ZYG11A: variants seen among roughly 807,000 people sequenced by gnomAD.
ZYG11A encodes protein zyg-11 homolog A.
ZYG11A carries 62 observed loss-of-function variants against 77.2 expected under a neutral mutation model. The observed-to-expected ratio is 0.80, with a 90% CI of 0.65 to 0.99. The LOEUF is 0.99. ZYG11A is among the 50% of genes least tolerant of loss of function. The pLI is 0.00. For missense variants in ZYG11A, 828 were observed against 896.8 expected (o/e 0.92, Z 0.98); for synonymous variants, 315 against 324.6 (o/e 0.97, Z 0.32).
Position 52,857,174 on chromosome 1 carries a change from A to AT in ZYG11A, c.434dup (p.Ser146LysfsTer7). 6.4e-7 allele frequency: 1 copy of AT among 1,552,108 alleles called. No individual in the cohort carries two copies. Among genetic ancestry groups the AT allele is most frequent in the South Asian group, 1.2e-5 (1 of 84,066 alleles). Reference sequence around the variant, plus strand: ...CGCTGACCTCCCAGTTCCAGACATCATAAGTGGACTCTGCAGCAATAGGTG... The same window carrying AT: ...CGCTGACCTCCCAGTTCCAGACATCATTAAGTGGACTCTGCAGCAATAGGTG... On this transcript the variant is annotated frameshift_variant, in exon 3 of 14. Transcript: ENST00000371528. LOFTEE classifies it high-confidence loss of function.
chr1:52,857,822 T>G, intron 3 of ZYG11A, 73 bp downstream of exon 3: 1 of 1,300,610 alleles, frequency 7.7e-7, no homozygotes, highest in Non-Finnish European at 1.0e-6. Flanking sequence ...AGACCAGACT[T>G]TTTACTAGGT....
At chr1:52,892,503 G>A (rs1276017827) in intron 13 of ZYG11A, among the ~76,000 whole-genome samples, 1 of 151,494 alleles carries the variant, frequency 6.6e-6, no homozygotes, top group Non-Finnish European at 1.5e-5. Context: ...ACTCCAGCCT[G>A]GGCAACAAGA....
chr1:52,870,595 CCAT>C (rs1646139440), intron 8 of ZYG11A, among the ~76,000 whole-genome samples: 1 of 152,236 alleles, frequency 6.6e-6, no homozygotes, highest in Non-Finnish European at 1.5e-5. Context: ...GAACGAGACT[CCAT>C]CTGCCATCCC....
rs527380739 is a variant in ZYG11A at position 52,860,776 on chromosome 1, C to G, written c.1054C>G (p.Arg352Gly). 4 of 1,551,430 alleles carry G rather than the reference C, an allele frequency of 2.6e-6. No individual in the cohort carries two copies. Among genetic ancestry groups the G allele is most frequent in the Non-Finnish European group, 3.5e-6 (4 of 1,146,956 alleles). The change falls in exon 4 of 14, where the codon CGA (arginine) becomes GGA (glycine). Residue 352 changes from arginine (R) to glycine (G), a missense_variant. By Grantham distance (125) the Arg-to-Gly change is moderately radical (BLOSUM62 -2). Transcript: ENST00000371528. ...GAGTCAGATTTCAGAAGCACTGAGC[C>G]GATACAGGAACAGATCATGTTTTGT... Reference protein sequence around the residue: ...SMSQISEALSRYRNRSCFVKE... With the variant: ...SMSQISEALSGYRNRSCFVKE...
intron 12 of ZYG11A, among the ~76,000 whole-genome samples, chr1:52,886,677 C>T (rs1251839872): frequency 1.4e-5 from 2 of 138,474 alleles, no homozygotes; most frequent in African/African-American, 2.7e-5. Flanking sequence ...GCCCTACAGG[C>T]GTGTGCCACC....
At chr1:52,889,774 C>G (rs1646508905) in intron 13 of ZYG11A, among the ~76,000 whole-genome samples, 1 of 148,872 alleles carries the variant, frequency 6.7e-6, no homozygotes, top group African/African-American at 2.5e-5. Flanking sequence ...TGCAGTGGTG[C>G]ACTCTTGGCT....
Position 52,842,987 on chromosome 1 carries a change from T to C in ZYG11A, c.90+14T>C, listed in dbSNP as rs763751484. ...TGCGTGGTACAGGTGAGCACCGGGG[T>C]GCGGGCGGCGACGCGGACCTCGGCG... On this transcript the variant is annotated intron_variant, in intron 1 of 13. Coordinates refer to ENST00000371528, the MANE Select transcript of ZYG11A (RefSeq NM_001004339.3). 38 of 1,507,192 alleles carry C rather than the reference T, an allele frequency of 2.5e-5. No individual in the cohort carries two copies. The highest frequency in any genetic ancestry group is 3.4e-5 in the Non-Finnish European group (38 of 1,129,234). The allele number at this position is 1,507,192 out of a possible 1,614,324, so 93.4% of individuals were successfully genotyped here.
chr1:52,877,679 T>C lies in ZYG11A; in HGVS notation c.1543-3T>C. 1 of 1,544,790 alleles carries C rather than the reference T, an allele frequency of 6.5e-7. No homozygotes were observed. Among genetic ancestry groups the C allele is most frequent in the Non-Finnish European group, 8.7e-7 (1 of 1,144,994 alleles). ...ACTCCCTCCCTGTCTCTTTGGTTTT[T>C]AGGAACTTCTAGCAATAGTAAAACA... On this transcript the variant is annotated splice_region_variant and splice_polypyrimidine_tract_variant and intron_variant, in intron 8 of 13. Transcript: ENST00000371528.
chr1:52,878,892 T>A (rs1016219524), intron 10 of ZYG11A, among the ~76,000 whole-genome samples: 2 of 132,390 alleles, frequency 1.5e-5, no homozygotes, highest in Non-Finnish European at 3.1e-5. Context: ...TGAACCAAGA[T>A]CGTGCCACTG....
chr1:52,880,700 G>A (rs1646348738), intron 10 of ZYG11A, among the ~76,000 whole-genome samples: 1 of 152,158 alleles, frequency 6.6e-6, no homozygotes. Flanking sequence ...GGAACTTGGG[G>A]CAGCTTCTAG....
At position 52,892,797 on chromosome 1, in the gene ZYG11A, A is replaced by G; in HGVS notation, c.2120A>G (p.Lys707Arg). 1.3e-6 allele frequency: 2 copies of G among 1,551,578 alleles called. No individual in the cohort carries two copies. Among genetic ancestry groups the G allele is most frequent in the Non-Finnish European group, 8.7e-7 (1 of 1,146,974 alleles). ...TTTCTTTCAGCCAGCAAATACTGCA[A>G]AATGTTAGTTGAAGAAGAAGGATTG... ...VCSKNPSKYC[K>R]MLVEEEGLQL... The change falls in exon 14 of 14, where the codon AAA becomes AGA. Residue 707 changes from lysine (K) to arginine (R), a missense_variant. Lys to Arg is a conservative substitution (Grantham distance 26, BLOSUM62 2). Transcript: ENST00000371528.
At chr1:52,843,577 C>G (rs1240937611) in intron 1 of ZYG11A, among the ~76,000 whole-genome samples, 1 of 152,242 alleles carries the variant, frequency 6.6e-6, no homozygotes, top group Non-Finnish European at 1.5e-5. Context: ...CCGTCCCGTC[C>G]CCAGCCTTTG....
chr1:52,870,176 CTAGATGGGATGG>C (rs1646128132), intron 8 of ZYG11A, among the ~76,000 whole-genome samples: 1 of 65,252 alleles, frequency 1.5e-5, no homozygotes, highest in Non-Finnish European at 6.3e-5. Flanking sequence ...TCTTCACTTC[CTAGATGGGATGG>C]CGGCCGGGAA....
chr1:52,869,169 A>T (rs115804297), intron 8 of ZYG11A, among the ~76,000 whole-genome samples: 2,462 of 138,136 alleles, frequency 0.018, 77 homozygotes, highest in African/African-American at 0.062. Context: ...CATAGCCTTT[A>T]TAAGTTTTCT....
intron 1 of ZYG11A, among the ~76,000 whole-genome samples, chr1:52,847,669 G>GTT (rs768011052): frequency 1.5e-5 from 2 of 132,814 alleles, no homozygotes; most frequent in Non-Finnish European, 3.3e-5. Flanking sequence ...ACTGTACTTT[G>GTT]TTTTTTTTTT....
At chr1:52,887,508 TCTGGGAGA>T (rs1226843418) in intron 13 of ZYG11A, among the ~76,000 whole-genome samples, 1 of 152,182 alleles carries the variant, frequency 6.6e-6, no homozygotes, top group Non-Finnish European at 1.5e-5. Context: ...TGTAATGGTC[TCTGGGAGA>T]CTGGGAGGCC....
At chr1:52,854,665 A>T (rs766173384) in intron 2 of ZYG11A, 35 bp downstream of exon 2, 13 of 1,453,652 alleles carry the variant, frequency 8.9e-6, no homozygotes, top group Non-Finnish European at 1.0e-5. Context: ...CAGCTCTTGC[A>T]GTACTTTACT....
intron 13 of ZYG11A, among the ~76,000 whole-genome samples, chr1:52,892,231 G>C (rs1646556995): frequency 7.2e-6 from 1 of 139,106 alleles, no homozygotes; most frequent in African/African-American, 2.7e-5. Context: ...ATTTAACTAG[G>C]ATTAAAGATG....
intron 8 of ZYG11A, among the ~76,000 whole-genome samples, chr1:52,871,858 A>G (rs532131668): frequency 6.6e-6 from 1 of 152,314 alleles, no homozygotes; most frequent in South Asian, 2.1e-4. Context: ...GATGTAGGAA[A>G]ATTGACGTCC....
Sources: allele counts gnomAD v4.1 joint callset (sites outside exome capture counted in the v4.1 genomes callset), GRCh38; gene constraint gnomAD v4.1.1; transcripts MANE v1.5; gene names NCBI Gene and HGNC (gene_info 2026-07-23, HGNC 2026-07-21).